The following GRIA3 variants were observed in gnomAD, a reference collection of about 807,000 sequenced individuals.
GRIA3 encodes the protein glutamate ionotropic receptor AMPA type subunit 3.
In GRIA3, 3 loss-of-function variants were observed where a neutral mutation model predicts 63.0. The observed-to-expected ratio is 0.05, with a 90% CI of 0.02 to 0.12. The LOEUF is 0.12. Among genes scored for constraint, GRIA3 ranks in the 10% least tolerant of loss-of-function variants. The pLI is 1.00. For synonymous variants in GRIA3, 274 were observed against 257.9 expected (o/e 1.06, Z -0.60); for missense variants, 347 against 700.9 (o/e 0.50, Z 5.70).
intron 4 of GRIA3, among the ~76,000 whole-genome samples, chrX:123,330,714 A>C (rs1320121472): frequency 1.8e-5 from 2 of 111,523 alleles, no homozygotes; most frequent in Non-Finnish European, 3.8e-5. Flanking sequence ...ACAGTACCAG[A>C]GCAAATGAGC....
At chrX:123,216,825 G>A (rs1928170590) in intron 2 of GRIA3, among the ~76,000 whole-genome samples, 1 of 111,687 alleles carries the variant, frequency 9.0e-6, no homozygotes, top group Non-Finnish European at 1.9e-5. Flanking sequence ...AATGTGTGTA[G>A]GGAGAGACTA....
intron 12 of GRIA3, among the ~76,000 whole-genome samples, chrX:123,443,295 C>T (rs1403396038): frequency 8.9e-6 from 1 of 112,221 alleles, no homozygotes; most frequent in Non-Finnish European, 1.9e-5. Context: ...TTTTGATCTT[C>T]TTCTCCTCTG....
intron 13 of GRIA3, among the ~76,000 whole-genome samples, chrX:123,475,897 T>C (rs746611566): frequency 1.8e-5 from 2 of 111,725 alleles, no homozygotes; most frequent in East Asian, 2.8e-4. Context: ...CACAGCTCAA[T>C]GTATATTAAT....
At chrX:123,358,910 A>T (rs1035345776) in intron 5 of GRIA3, 7 of 111,418 alleles carry the variant, frequency 6.3e-5, no homozygotes, top group Non-Finnish European at 1.3e-4. Flanking sequence ...CTGTGTGTAG[A>T]GCCCTAGAGT....
chrX:123,315,916 C>T (rs2044827564), intron 3 of GRIA3, among the ~76,000 whole-genome samples: 1 of 109,649 alleles, frequency 9.1e-6, no homozygotes, highest in Non-Finnish European at 1.9e-5. Flanking sequence ...TGGCTCACAC[C>T]TGTAATCCCA....
At chrX:123,309,210 C>A (rs905953330) in intron 3 of GRIA3, among the ~76,000 whole-genome samples, 52 of 110,173 alleles carry the variant, frequency 4.7e-4, no homozygotes, top group Non-Finnish European at 7.5e-4. Flanking sequence ...CGTGGTGAAA[C>A]CCTGTCTCTA....
intron 4 of GRIA3, among the ~76,000 whole-genome samples, chrX:123,332,974 A>T (rs2044951461): frequency 9.0e-6 from 1 of 111,033 alleles, no homozygotes; most frequent in East Asian, 2.9e-4. Flanking sequence ...GTGGCTCTAT[A>T]CTTCACTTAG....
chrX:123,423,455 C>T (rs760137464), intron 11 of GRIA3, among the ~76,000 whole-genome samples: 1 of 112,201 alleles, frequency 8.9e-6, no homozygotes, highest in Admixed American at 9.4e-5. Flanking sequence ...TGCAAATTCA[C>T]TTCAAAGTAG....
chrX:123,464,776 A>T, intron 12 of GRIA3, 89 bp from the exon 13 acceptor site: 1 of 795,959 alleles, frequency 1.3e-6, no homozygotes, highest in Non-Finnish European at 1.9e-6. Context: ...ATTACTGTGG[A>T]TTGCAATTAA....
intron 4 of GRIA3, among the ~76,000 whole-genome samples, chrX:123,341,497 A>T (rs1254081580): frequency 1.3e-5 from 1 of 74,878 alleles, no homozygotes; most frequent in Admixed American, 1.7e-4. Flanking sequence ...ACCATGGCTT[A>T]CACTAACCTC....
rs1209868853 is a variant in GRIA3, at chrX:123,186,123, G to T, written c.268+133G>T. ...ATATTTTAGGGGCTCTAATCCATCC[G>T]GTTTCATGTTGCATAAATCAACTCC... On this transcript the variant is annotated intron_variant, in intron 2 of 15. Coordinates refer to ENST00000620443, the MANE Select transcript of GRIA3 (RefSeq NM_007325.5). 24 of 553,094 alleles carry T rather than the reference G, an allele frequency of 4.3e-5. No homozygotes were observed. In the Admixed American group the frequency reaches 5.8e-4, roughly 13 times the overall value. The allele number at this position is 553,094 out of a possible 1,213,427, so 45.6% of individuals were successfully genotyped here.
At chrX:123,422,143 C>G (rs777164725) in intron 11 of GRIA3, among the ~76,000 whole-genome samples, 2 of 111,918 alleles carry the variant, frequency 1.8e-5, no homozygotes, top group African/African-American at 6.5e-5. Context: ...GAAACTCTAC[C>G]TTTTTTCTGG....
At chrX:123,381,728 T>A (rs985948627) in intron 5 of GRIA3, among the ~76,000 whole-genome samples, 1 of 111,698 alleles carries the variant, frequency 9.0e-6, no homozygotes, top group African/African-American at 3.3e-5. Context: ...TCATGGACTG[T>A]CAGTGGTCAC....
chrX:123,184,705 G>A, intron 1 of GRIA3, 61 bp downstream of exon 1: 2 of 768,148 alleles, frequency 2.6e-6, no homozygotes, highest in Non-Finnish European at 3.9e-6. Flanking sequence ...CACTGCCCCG[G>A]CAAGGCTTTC....
At chrX:123,450,355 C>T (rs1272007763) in intron 12 of GRIA3, among the ~76,000 whole-genome samples, 3 of 112,354 alleles carry the variant, frequency 2.7e-5, no homozygotes, top group Non-Finnish European at 5.6e-5. Context: ...GTAAACTTCA[C>T]TCAATTCACT....
chrX:123,436,524 T>A (rs974980361), intron 12 of GRIA3, among the ~76,000 whole-genome samples: 1 of 112,543 alleles, frequency 8.9e-6, no homozygotes, highest in African/African-American at 3.2e-5. Context: ...TTGAAGACCA[T>A]CTAGAAACTT....
In GRIA3 at chrX:123,463,731, AAG is replaced by A. The variant is rs1328363067; in HGVS notation, c.2077-1126_2077-1125del. ...AAGAAAGAAAGAAAGAAAGAGAAAG[AAG>A]AGAGAGAAAGAAAGAAAAAGAGAGA... On this transcript the variant is annotated intron_variant, in intron 12 of 15. Transcript: ENST00000620443. Among the ~76,000 whole-genome samples the A allele has an allele frequency of 1.4e-4, 14 of 101,486 alleles. 3 individuals carry two copies. The highest frequency in any genetic ancestry group is 5.4e-4 in the African/African-American group (13 of 24,160). The allele number at this position is 101,486 out of a possible 115,157, so 88.1% of individuals were successfully genotyped here.
chrX:123,320,353 T>A (rs2044859916), intron 3 of GRIA3, among the ~76,000 whole-genome samples: 1 of 112,199 alleles, frequency 8.9e-6, no homozygotes, highest in Non-Finnish European at 1.9e-5. Context: ...CCAAACTCAT[T>A]CATGTTAAGG....
intron 3 of GRIA3, among the ~76,000 whole-genome samples, chrX:123,275,802 A>G (rs1021758190): frequency 8.9e-6 from 1 of 111,901 alleles, no homozygotes; most frequent in Non-Finnish European, 1.9e-5. Flanking sequence ...CACCTCCTCC[A>G]TGAAGGCTTT....
Sources: gnomAD v4.1 joint callset for allele counts (sites outside exome capture counted in the v4.1 genomes callset) on GRCh38, gnomAD v4.1.1 for gene constraint, MANE v1.5 for transcripts, NCBI Gene and HGNC (gene_info 2026-07-23, HGNC 2026-07-21) for gene names.